ABCC1: variants seen among roughly 807,000 people sequenced by gnomAD.
ABCC1 encodes multidrug resistance-associated protein 1.
In ABCC1, 83 loss-of-function variants were observed where a neutral mutation model predicts 172.9. The ratio of observed to expected loss-of-function variants is 0.48; its 90% CI spans 0.40 to 0.58. The LOEUF (loss-of-function observed/expected upper bound fraction) is 0.58, where lower values mean the gene tolerates loss of function less well. ABCC1 is among the 20% of genes least tolerant of loss of function. The probability of loss-of-function intolerance (pLI) is 0.00; values close to 1 mark genes in which losing one functional copy is unlikely to be tolerated. For missense variants in ABCC1, 1,817 were observed against 2,002.7 expected, an observed-to-expected ratio of 0.91 and a Z score of 1.77; for synonymous variants, 937 against 825.2, an observed-to-expected ratio of 1.14 and a Z score of -2.32.
At chr16:15,974,617 C>G (rs1351144459) in intron 1 of ABCC1, among the ~76,000 whole-genome samples, 1 of 151,994 alleles carries the variant, frequency 6.6e-6, no homozygotes, top group Non-Finnish European at 1.5e-5. Flanking sequence ...TCCTAGAGGC[C>G]AGTATTTATG....
chr16:15,955,428 C>T (rs1037942786), intron 1 of ABCC1, among the ~76,000 whole-genome samples: 1 of 152,140 alleles, frequency 6.6e-6, no homozygotes, highest in Non-Finnish European at 1.5e-5. Flanking sequence ...CTAGTCTTGG[C>T]CCAGCTGTCC....
intron 21 of ABCC1, 98 bp from the exon 22 acceptor site, chr16:16,111,276 TG>T: frequency 1.1e-6 from 1 of 935,116 alleles, no homozygotes; most frequent in Non-Finnish European, 1.7e-6. Context: ...GGCAGGCAGC[TG>T]GGTGGCACAG....
chr16:15,964,175 T>C (rs2151510481), intron 1 of ABCC1, among the ~76,000 whole-genome samples: 1 of 152,262 alleles, frequency 6.6e-6, no homozygotes, highest in South Asian at 2.1e-4. Context: ...ATTCCTGACC[T>C]CAAGTGATCT....
intron 1 of ABCC1, among the ~76,000 whole-genome samples, chr16:15,987,736 G>A (rs1031656953): frequency 1.3e-5 from 2 of 152,206 alleles, no homozygotes; most frequent in Non-Finnish European, 2.9e-5. Flanking sequence ...CCCTGCGGTG[G>A]CCTGTGCGTC....
intron 19 of ABCC1, among the ~76,000 whole-genome samples, chr16:16,095,363 A>T (rs2051428955): frequency 6.6e-6 from 1 of 152,258 alleles, no homozygotes; most frequent in Non-Finnish European, 1.5e-5. Context: ...GTTTTCCATC[A>T]GGGGCAAATT....
At chr16:16,069,416 A>C (rs35610) in intron 13 of ABCC1, among the ~76,000 whole-genome samples, 123,031 of 151,456 alleles carry the variant, frequency 0.81, 50,085 homozygotes, top group Non-Finnish European at 0.83. Flanking sequence ...AATGTAGACC[A>C]TGTAGAATCT....
intron 1 of ABCC1, among the ~76,000 whole-genome samples, chr16:15,972,236 G>A (rs569007589): frequency 6.6e-6 from 1 of 152,218 alleles, no homozygotes; most frequent in Non-Finnish European, 1.5e-5. Flanking sequence ...CAGCTGTTTT[G>A]CCCCTCAGTC....
At chr16:15,972,556 T>C (rs2046393322) in intron 1 of ABCC1, among the ~76,000 whole-genome samples, 1 of 152,108 alleles carries the variant, frequency 6.6e-6, no homozygotes, top group Non-Finnish European at 1.5e-5. Flanking sequence ...ACCAGCCTCA[T>C]GGGTTCCTTT....
chr16:16,081,377 T>G (rs577985167), intron 16 of ABCC1, among the ~76,000 whole-genome samples: 1 of 152,334 alleles, frequency 6.6e-6, no homozygotes, highest in African/African-American at 2.4e-5. Flanking sequence ...CAAATCCCGA[T>G]GGGATCCACA....
Position 16,007,835 on chromosome 16 carries a change from A to C in ABCC1, c.68A>C (p.Asn23Thr), listed in dbSNP as rs760030871. The C allele has an allele frequency of 6.2e-7, 1 of 1,612,758 alleles. No individual in the cohort carries two copies. The highest frequency in any genetic ancestry group is 2.2e-5 in the East Asian group (1 of 44,834). ...TCGCAGGACTGGAATGTCACGTGGAATACCAGCAACCCCGACTTCACCAAG... is the reference window on the plus strand; with the variant it reads ...TCGCAGGACTGGAATGTCACGTGGACTACCAGCAACCCCGACTTCACCAAG... ...DPLWDWNVTW[N>T]TSNPDFTKCF... Residue 23 changes from asparagine to threonine, a missense_variant, in exon 2 of 31, where the codon AAT becomes ACT. This residue lies in a region of ABCC1 where 398 missense variants were observed against 384.2 expected (regional missense o/e 1.04). Transcript: ENST00000399410.
At chr16:15,992,400 G>A (rs965703298) in intron 1 of ABCC1, among the ~76,000 whole-genome samples, 4 of 152,098 alleles carry the variant, frequency 2.6e-5, no homozygotes, top group Non-Finnish European at 4.4e-5. Flanking sequence ...AAAGGGGATG[G>A]CTGTCTTTTT....
At chr16:15,954,508 G>A (rs539429783) in intron 1 of ABCC1, among the ~76,000 whole-genome samples, 1 of 152,184 alleles carries the variant, frequency 6.6e-6, no homozygotes, top group Admixed American at 6.5e-5. Flanking sequence ...AGGTGGCAAG[G>A]TGAATGGCTT....
chr16:16,132,507 G>GTT (rs1379143382), intron 27 of ABCC1, among the ~76,000 whole-genome samples: 4 of 75,068 alleles, frequency 5.3e-5, no homozygotes, highest in Non-Finnish European at 1.1e-4. Flanking sequence ...TTTTTGGTTG[G>GTT]TTGTTTTTTT....
At chr16:15,959,337 T>A (rs1309433301) in intron 1 of ABCC1, among the ~76,000 whole-genome samples, 1 of 152,218 alleles carries the variant, frequency 6.6e-6, no homozygotes, top group Non-Finnish European at 1.5e-5. Flanking sequence ...TCTTTCTTTT[T>A]TCTTTTGAGA....
intron 27 of ABCC1, among the ~76,000 whole-genome samples, chr16:16,133,531 G>T (rs2045790836): frequency 6.6e-6 from 1 of 152,090 alleles, no homozygotes; most frequent in South Asian, 2.1e-4. Context: ...CGTCTCCCGA[G>T]TATCTGGGAC....
In ABCC1 at chr16:16,115,051, T is replaced by C. The variant is rs528927468; in HGVS notation, c.3365T>C (p.Leu1122Pro). The change falls in exon 23 of 31, where the codon CTT becomes CCT. Residue 1122 changes from leucine (L) to proline (P), a missense_variant. By Grantham distance (98) the Leu-to-Pro change is moderately conservative (BLOSUM62 -3). Coordinates refer to ENST00000399410, the MANE Select transcript of ABCC1 (RefSeq NM_004996.4). ...TPIAAIIIPP[L>P]GLIYFFVQRF... Reference sequence around the variant, plus strand: ...ATCGCCGCCATCATCATCCCGCCCCTTGGCCTCATCTACTTCTTCGTCCAG... The same window carrying C: ...ATCGCCGCCATCATCATCCCGCCCCCTGGCCTCATCTACTTCTTCGTCCAG... 1 of 1,614,054 alleles carries C rather than the reference T, an allele frequency of 6.2e-7. No homozygotes were observed. Among genetic ancestry groups the C allele is most frequent in the African/African-American group, 1.3e-5 (1 of 75,064 alleles).
chr16:15,984,467 A>G (rs1358873386), intron 1 of ABCC1, among the ~76,000 whole-genome samples: 7 of 100,028 alleles, frequency 7.0e-5, no homozygotes, highest in Admixed American at 5.1e-4. Context: ...TTTTTGAGAT[A>G]GAGTCTCGCC....
chr16:16,139,320 A>G (rs1473663441), intron 30 of ABCC1, among the ~76,000 whole-genome samples: 1 of 152,104 alleles, frequency 6.6e-6, no homozygotes, highest in Non-Finnish European at 1.5e-5. Context: ...TTTTTAAAAA[A>G]TCAGAAGCAG....
chr16:16,141,607 C>G lies in ABCC1; in HGVS notation c.*326C>G, dbSNP rs1056319054. ...GCTTCCCACGGAGGAGTTTTGGCAG[C>G]CAGACTTCTGGAGGAATTGGTTGTA... On this transcript the variant is annotated 3_prime_UTR_variant, in exon 31 of 31. Coordinates refer to ENST00000399410, the MANE Select transcript of ABCC1 (RefSeq NM_004996.4). 2.7e-5 allele frequency: 9 copies of G among 336,718 alleles called. No individual in the cohort carries two copies. The highest frequency in any genetic ancestry group is 8.4e-4 in the Middle Eastern group (1 of 1,192). 20.9% of individuals were successfully genotyped at this position (336,718 alleles called of 1,614,324 possible). A position where few individuals can be genotyped will look rare whatever the true frequency, so the allele number is the denominator to read the frequency against.
Sources: gnomAD v4.1 joint callset for allele counts (sites outside exome capture counted in the v4.1 genomes callset) on GRCh38, gnomAD v4.1.1 for gene constraint, gnomAD v4.1.1 regional missense constraint, MANE v1.5 for transcripts, NCBI Gene and HGNC (gene_info 2026-07-23, HGNC 2026-07-21) for gene names.